NEGR1: variants seen among roughly 807,000 people sequenced by gnomAD.
NEGR1 encodes the protein neuronal growth regulator 1.
In NEGR1, 10 loss-of-function variants were observed where a neutral mutation model predicts 40.9. The ratio of observed to expected loss-of-function variants is 0.24; its 90% CI spans 0.15 to 0.42. The LOEUF (loss-of-function observed/expected upper bound fraction) is 0.42, where lower values mean the gene tolerates loss of function less well. Ranked by LOEUF, NEGR1 falls within the 10% of genes least tolerant of loss-of-function variation. The pLI is 1.00. For missense variants in NEGR1, 352 were observed against 438.9 expected, an observed-to-expected ratio of 0.80 and a Z score of 1.77; for synonymous variants, 185 against 166.8, an observed-to-expected ratio of 1.11 and a Z score of -0.84.
intron 6 of NEGR1, among the ~76,000 whole-genome samples, chr1:71,570,376 A>T (rs545787189): frequency 1.3e-5 from 2 of 152,118 alleles, no homozygotes; most frequent in Non-Finnish European, 2.9e-5. Context: ...ATCTTAGAAA[A>T]ACTGCCCATG....
At chr1:71,829,634 C>A (rs183133572) in intron 2 of NEGR1, among the ~76,000 whole-genome samples, 1 of 151,348 alleles carries the variant, frequency 6.6e-6, no homozygotes, top group African/African-American at 2.4e-5. Flanking sequence ...CTAGGAAAAA[C>A]AAAAAACAAA....
chr1:71,949,873 T>C (rs1646053679), intron 1 of NEGR1, among the ~76,000 whole-genome samples: 1 of 152,102 alleles, frequency 6.6e-6, no homozygotes, highest in Non-Finnish European at 1.5e-5. Flanking sequence ...CTGCTTTCTG[T>C]CTTAGAAAAA....
intron 1 of NEGR1, among the ~76,000 whole-genome samples, chr1:72,039,314 G>A (rs1198439050): frequency 6.6e-6 from 1 of 151,874 alleles, no homozygotes; most frequent in African/African-American, 2.4e-5. Flanking sequence ...CATGATGTGG[G>A]CATATAAGTG....
At chr1:71,742,842 G>T (rs1177139913) in intron 3 of NEGR1, among the ~76,000 whole-genome samples, 5 of 152,202 alleles carry the variant, frequency 3.3e-5, no homozygotes, top group African/African-American at 1.2e-4. Flanking sequence ...GACATGAATT[G>T]TGGGAGGTCA....
intron 4 of NEGR1, among the ~76,000 whole-genome samples, chr1:71,686,600 C>T (rs1349247667): frequency 6.6e-6 from 1 of 152,204 alleles, no homozygotes; most frequent in African/African-American, 2.4e-5. Context: ...CACTAGAACT[C>T]AGTCACAGGG....
intron 3 of NEGR1, among the ~76,000 whole-genome samples, chr1:71,771,645 G>C (rs555406155): frequency 5.8e-5 from 7 of 121,614 alleles, no homozygotes; most frequent in African/African-American, 2.1e-4. Context: ...GTTGTGGTGA[G>C]CCGAGATTGT....
At chr1:72,069,438 T>C (rs562997917) in intron 1 of NEGR1, among the ~76,000 whole-genome samples, 2 of 150,616 alleles carry the variant, frequency 1.3e-5, no homozygotes, top group East Asian at 1.9e-4. Context: ...AGCAAGACTC[T>C]GTTAAAAAAA....
At chr1:72,078,948 G>T (rs1025393138) in intron 1 of NEGR1, among the ~76,000 whole-genome samples, 1 of 151,120 alleles carries the variant, frequency 6.6e-6, no homozygotes, top group African/African-American at 2.4e-5. Context: ...CCTATTTATT[G>T]ATATTTTAAC....
intron 1 of NEGR1, among the ~76,000 whole-genome samples, chr1:72,067,033 G>T (rs750736831): frequency 3.9e-5 from 6 of 151,988 alleles, no homozygotes; most frequent in Non-Finnish European, 8.8e-5. Context: ...CTGCATAAAT[G>T]TACCTTACAT....
chr1:72,262,385 G>A (rs915005579), intron 1 of NEGR1, among the ~76,000 whole-genome samples: 3 of 151,806 alleles, frequency 2.0e-5, no homozygotes, highest in Non-Finnish European at 4.4e-5. Flanking sequence ...AAATCTAATT[G>A]GAACACAATG....
chr1:71,420,100 T>A (rs895341861), intron 6 of NEGR1, among the ~76,000 whole-genome samples: 5 of 152,088 alleles, frequency 3.3e-5, no homozygotes, highest in African/African-American at 1.2e-4. Context: ...CATTTTTGAC[T>A]ATAATAAAAA....
At chr1:72,238,948 C>T (rs111421507) in intron 1 of NEGR1, among the ~76,000 whole-genome samples, 1 of 151,798 alleles carries the variant, frequency 6.6e-6, no homozygotes, top group Non-Finnish European at 1.5e-5. Context: ...AGACACATCA[C>T]AATAAGATGC....
At chr1:71,528,583 A>C (rs1447913086) in intron 6 of NEGR1, among the ~76,000 whole-genome samples, 1 of 151,330 alleles carries the variant, frequency 6.6e-6, no homozygotes, top group Non-Finnish European at 1.5e-5. Flanking sequence ...TTCTAAGTAC[A>C]TGAATCAGAT....
At chr1:72,077,342 C>T (rs80202137) in intron 1 of NEGR1, among the ~76,000 whole-genome samples, 2 of 152,070 alleles carry the variant, frequency 1.3e-5, no homozygotes, top group Non-Finnish European at 2.9e-5. Flanking sequence ...AGGGGACTTT[C>T]TATCACTTGC....
At chr1:71,597,462 C>CTGTGTGTG (rs1191334873) in intron 5 of NEGR1, among the ~76,000 whole-genome samples, 30 of 30,164 alleles carry the variant, frequency 9.9e-4, no homozygotes, top group African/African-American at 1.8e-3. Context: ...CTCTCTCTCT[C>CTGTGTGTG]TCTCTCTCTC....
intron 6 of NEGR1, among the ~76,000 whole-genome samples, chr1:71,532,973 C>T (rs1476600669): frequency 6.6e-6 from 1 of 151,542 alleles, no homozygotes; most frequent in East Asian, 2.0e-4. Flanking sequence ...AAAAGACAAA[C>T]ACTCATGAGA....
intron 1 of NEGR1, among the ~76,000 whole-genome samples, chr1:72,209,025 G>T (rs928901481): frequency 6.6e-6 from 1 of 151,456 alleles, no homozygotes; most frequent in Non-Finnish European, 1.5e-5. Context: ...ATCTTGTGAA[G>T]ATACAAAGCC....
intron 2 of NEGR1, among the ~76,000 whole-genome samples, chr1:71,883,964 A>G (rs1660653897): frequency 6.6e-6 from 1 of 151,490 alleles, no homozygotes; most frequent in Admixed American, 6.6e-5. Flanking sequence ...GAATAAATGG[A>G]AGAGTTAACT....
chr1:72,242,035 AATTATG>A (rs1248629469), intron 1 of NEGR1, among the ~76,000 whole-genome samples: 2 of 137,434 alleles, frequency 1.5e-5, no homozygotes, highest in African/African-American at 5.8e-5. Context: ...TGGAAACAAT[AATTATG>A]TGTTTTTCTA....
Sources: allele counts gnomAD v4.1 joint callset (sites outside exome capture counted in the v4.1 genomes callset), GRCh38; gene constraint gnomAD v4.1.1; transcripts MANE v1.5; gene names NCBI Gene and HGNC (gene_info 2026-07-23, HGNC 2026-07-21).